SORCS3: variants seen among roughly 807,000 people sequenced by gnomAD.
The protein encoded by SORCS3 is VPS10 domain-containing receptor SorCS3.
Under a neutral mutation model 146.3 loss-of-function variants are expected in SORCS3, and 57 were observed. The observed-to-expected ratio is 0.39, with a 90% confidence interval of 0.31 to 0.49. SORCS3 has a LOEUF of 0.49. Among genes scored for constraint, SORCS3 ranks in the 20% least tolerant of loss-of-function variants. The pLI is 0.92. For synonymous variants in SORCS3, 653 were observed against 618.5 expected (o/e 1.06, Z -0.83); for missense variants, 1,341 against 1,575.5 (o/e 0.85, Z 2.52).
At chr10:105,143,248 T>A (rs1174767279) in intron 8 of SORCS3, among the ~76,000 whole-genome samples, 1 of 152,184 alleles carries the variant, frequency 6.6e-6, no homozygotes, top group Admixed American at 6.6e-5. Context: ...TTTGGTAGTT[T>A]TTTTTTATGA....
At chr10:104,753,621 T>C (rs973833625) in intron 1 of SORCS3, among the ~76,000 whole-genome samples, 1 of 152,216 alleles carries the variant, frequency 6.6e-6, no homozygotes, top group South Asian at 2.1e-4. Context: ...GGATCCTAAT[T>C]TGTGACTTTG....
intron 4 of SORCS3, among the ~76,000 whole-genome samples, chr10:105,036,253 C>T (rs765708551): frequency 5.3e-5 from 8 of 152,202 alleles, no homozygotes; most frequent in Non-Finnish European, 1.0e-4. Flanking sequence ...TATGGACCTG[C>T]GCCCAACCCA....
At chr10:104,651,533 T>TAAAAAAAA (rs34352025) in intron 1 of SORCS3, among the ~76,000 whole-genome samples, 2 of 112,674 alleles carry the variant, frequency 1.8e-5, no homozygotes, top group Non-Finnish European at 3.5e-5. Flanking sequence ...CGGGCTCTAC[T>TAAAAAAAA]AAAAAAAAAA....
chr10:105,164,031 A>G (rs894305545), intron 11 of SORCS3, among the ~76,000 whole-genome samples: 8 of 152,162 alleles, frequency 5.3e-5, no homozygotes, highest in African/African-American at 1.9e-4. Flanking sequence ...TTATTGGTAT[A>G]CAGACTGAAT....
At chr10:104,844,119 C>T (rs977405091) in intron 2 of SORCS3, among the ~76,000 whole-genome samples, 1 of 152,170 alleles carries the variant, frequency 6.6e-6, no homozygotes, top group African/African-American at 2.4e-5. Flanking sequence ...TGAGGCCTGC[C>T]TCCATTTTCA....
chr10:104,832,959 C>T (rs1347449721), intron 1 of SORCS3, among the ~76,000 whole-genome samples: 1 of 152,142 alleles, frequency 6.6e-6, no homozygotes, highest in East Asian at 1.9e-4. Context: ...GGACCCACAT[C>T]CTAGAGGATA....
At chr10:104,648,813 G>A (rs1181456433) in intron 1 of SORCS3, among the ~76,000 whole-genome samples, 1 of 152,130 alleles carries the variant, frequency 6.6e-6, no homozygotes, top group Non-Finnish European at 1.5e-5. Context: ...AAAAAATAAT[G>A]GAGTCTAAGA....
intron 2 of SORCS3, among the ~76,000 whole-genome samples, chr10:104,855,156 T>C (rs2018315934): frequency 6.6e-6 from 1 of 152,218 alleles, no homozygotes; most frequent in Non-Finnish European, 1.5e-5. Flanking sequence ...TATGGGACTG[T>C]TTTTTGCTGT....
At chr10:104,833,794 A>G (rs2018034983) in intron 1 of SORCS3, among the ~76,000 whole-genome samples, 1 of 152,168 alleles carries the variant, frequency 6.6e-6, no homozygotes, top group African/African-American at 2.4e-5. Flanking sequence ...TTTGTAGCCT[A>G]AACTCTCTTC....
At chr10:105,108,312 C>T (rs77040588) in intron 7 of SORCS3, among the ~76,000 whole-genome samples, 3,419 of 152,038 alleles carry the variant, frequency 0.022, 111 homozygotes, top group East Asian at 0.16. Flanking sequence ...GGTTCAGGAG[C>T]GGGGGTTCGT....
At chr10:104,975,509 C>T (rs1342704578) in intron 3 of SORCS3, among the ~76,000 whole-genome samples, 1 of 152,068 alleles carries the variant, frequency 6.6e-6, no homozygotes, top group East Asian at 1.9e-4. Context: ...AGAGTCAATG[C>T]CATCCCCATC....
intron 5 of SORCS3, among the ~76,000 whole-genome samples, chr10:105,075,385 T>G (rs187960148): frequency 1.3e-5 from 2 of 152,268 alleles, no homozygotes; most frequent in East Asian, 3.9e-4. Context: ...GTGAACATGC[T>G]CTGTGAAATA....
intron 5 of SORCS3, among the ~76,000 whole-genome samples, chr10:105,051,225 C>A (rs1331591269): frequency 6.6e-6 from 1 of 152,096 alleles, no homozygotes; most frequent in Admixed American, 6.6e-5. Context: ...TTCATTGGTA[C>A]AAATACTTCA....
chr10:105,049,539 A>G (rs1385324058), intron 5 of SORCS3, among the ~76,000 whole-genome samples: 1 of 152,076 alleles, frequency 6.6e-6, no homozygotes, highest in African/African-American at 2.4e-5. Flanking sequence ...TGGAGGAGGG[A>G]GAATTGGTAA....
chr10:104,783,960 C>T (rs2017403761), intron 1 of SORCS3, among the ~76,000 whole-genome samples: 1 of 152,176 alleles, frequency 6.6e-6, no homozygotes, highest in Non-Finnish European at 1.5e-5. Flanking sequence ...ATTCTGTGGC[C>T]AGATGCCTTT....
At chr10:105,011,682 G>C in intron 4 of SORCS3, among the ~76,000 whole-genome samples, 1 of 152,166 alleles carries the variant, frequency 6.6e-6, no homozygotes, top group East Asian at 1.9e-4. Context: ...CAACAGTGGT[G>C]AGAAGTATTT....
chr10:105,181,334 G>A (rs940000849), intron 14 of SORCS3, among the ~76,000 whole-genome samples: 1 of 152,140 alleles, frequency 6.6e-6, no homozygotes, highest in African/African-American at 2.4e-5. Context: ...CAAATCATGG[G>A]GGCTGGGGTT....
Position 105,255,812 on chromosome 10 carries a change from C to T in SORCS3, c.3337+11C>T, listed in dbSNP as rs2056928199. On this transcript the variant is annotated intron_variant, in intron 24 of 26. Coordinates refer to ENST00000369701, the MANE Select transcript of SORCS3 (RefSeq NM_014978.3). Reference sequence around the variant, plus strand: ...CACAGCTGACGTTAGGTGAGTGCCACTGGGAACTGGGGAAATGGGAAAGAG... The same window carrying T: ...CACAGCTGACGTTAGGTGAGTGCCATTGGGAACTGGGGAAATGGGAAAGAG... 5.7e-6 allele frequency: 9 copies of T among 1,586,880 alleles called. 1 individual carries two copies. In the South Asian group the frequency reaches 1.0e-4, roughly 18 times the overall value.
chr10:105,124,686 CTT>C (rs2055960045), intron 7 of SORCS3, among the ~76,000 whole-genome samples: 1 of 152,110 alleles, frequency 6.6e-6, no homozygotes. Context: ...CTTCTCTTCT[CTT>C]GTTTTCTTAT....
Sources: gnomAD v4.1 joint callset for allele counts (sites outside exome capture counted in the v4.1 genomes callset) on GRCh38, gnomAD v4.1.1 for gene constraint, MANE v1.5 for transcripts, NCBI Gene and HGNC (gene_info 2026-07-23, HGNC 2026-07-21) for gene names.